Variants in ROBO2 observed in about 807,000 individuals in gnomAD.
The protein encoded by ROBO2 is roundabout guidance receptor 2, also known as roundabout homolog 2.
ROBO2 carries 53 observed loss-of-function variants against 160.8 expected under a neutral mutation model. The ratio of observed to expected loss-of-function variants is 0.33; its 90% CI spans 0.26 to 0.41. ROBO2 has a LOEUF of 0.41. Ranked by LOEUF, ROBO2 falls within the 10% of genes least tolerant of loss-of-function variation. The probability of loss-of-function intolerance (pLI) is 1.00; values close to 1 mark genes in which losing one functional copy is unlikely to be tolerated. For missense variants in ROBO2, 1,577 were observed against 1,722.4 expected, an observed-to-expected ratio of 0.92 and a Z score of 1.49; for synonymous variants, 664 against 611.7, an observed-to-expected ratio of 1.09 and a Z score of -1.26.
At chr3:76,714,301 C>T (rs916884597) in intron 2 of ROBO2, among the ~76,000 whole-genome samples, 1 of 151,948 alleles carries the variant, frequency 6.6e-6, no homozygotes, top group African/African-American at 2.4e-5. Flanking sequence ...GTCTTTGCTC[C>T]AAGAGTTAAT....
At chr3:75,925,133 A>T (rs1359997453) in intron 1 of ROBO2, among the ~76,000 whole-genome samples, 3 of 151,856 alleles carry the variant, frequency 2.0e-5, no homozygotes, top group Non-Finnish European at 2.9e-5. Flanking sequence ...TGGCTCATTC[A>T]TGTCATCCCA....
At chr3:76,166,803 G>T (rs1231538578) in intron 2 of ROBO2, among the ~76,000 whole-genome samples, 4 of 152,046 alleles carry the variant, frequency 2.6e-5, no homozygotes, top group South Asian at 2.1e-4. Context: ...CCTCAACCTC[G>T]ACTGCCTTAG....
chr3:76,128,164 G>T (rs907980425), intron 2 of ROBO2, among the ~76,000 whole-genome samples: 1 of 151,994 alleles, frequency 6.6e-6, no homozygotes, highest in East Asian at 1.9e-4. Flanking sequence ...AAACTGTTGG[G>T]ATTACAAGCA....
At chr3:76,719,869 G>A (rs1371311867) in intron 2 of ROBO2, among the ~76,000 whole-genome samples, 1 of 120,206 alleles carries the variant, frequency 8.3e-6, no homozygotes, top group Non-Finnish European at 1.7e-5. Flanking sequence ...GGGTGACAGA[G>A]TGAGACTGTG....
At chr3:76,067,067 C>T (rs562191445) in intron 2 of ROBO2, among the ~76,000 whole-genome samples, 1 of 152,128 alleles carries the variant, frequency 6.6e-6, no homozygotes, top group Non-Finnish European at 1.5e-5. Context: ...GGTTGTATGG[C>T]TGACCTAGGA....
At chr3:76,200,890 C>T (rs912621943) in intron 2 of ROBO2, among the ~76,000 whole-genome samples, 1 of 152,090 alleles carries the variant, frequency 6.6e-6, no homozygotes, top group African/African-American at 2.4e-5. Flanking sequence ...CCTTACAAAA[C>T]TAGCATGTGG....
rs139320577 is a variant in ROBO2 at position 77,111,980 on chromosome 3, G to T, written c.388+13640G>T. Among the ~76,000 whole-genome samples the T allele has an allele frequency of 8.7e-3, 1,330 of 152,082 alleles. 22 individuals are homozygous for T. Among genetic ancestry groups the T allele is most frequent in the African/African-American group, 0.031 (1,270 of 41,494 alleles). On this transcript the variant is annotated intron_variant, in intron 2 of 25. Transcript: ENST00000461745. ...TAGTCTCAGCACTTTGGGAGGCCGA[G>T]GTGGGCGGGTCGCTTGAGCCCAGGC...
At chr3:76,435,679 A>G (rs1577169151) in intron 2 of ROBO2, among the ~76,000 whole-genome samples, 1 of 152,158 alleles carries the variant, frequency 6.6e-6, no homozygotes, top group Non-Finnish European at 1.5e-5. Context: ...GTCCATTCTT[A>G]TGGAACTGCC....
chr3:76,386,015 T>C (rs886151647), intron 2 of ROBO2, among the ~76,000 whole-genome samples: 1 of 152,148 alleles, frequency 6.6e-6, no homozygotes, highest in South Asian at 2.1e-4. Context: ...TGAAACAAAT[T>C]TTGTTTTACC....
At chr3:77,206,158 T>C (rs1203968571) in intron 2 of ROBO2, among the ~76,000 whole-genome samples, 1 of 152,100 alleles carries the variant, frequency 6.6e-6, no homozygotes, top group Non-Finnish European at 1.5e-5. Flanking sequence ...TCTCTCTCTC[T>C]CTGTTTTTTT....
chr3:76,510,436 A>C (rs2107742135), intron 2 of ROBO2, among the ~76,000 whole-genome samples: 1 of 152,244 alleles, frequency 6.6e-6, no homozygotes, highest in South Asian at 2.1e-4. Context: ...AGTTAATGAA[A>C]AATATGGCTG....
At chr3:76,382,092 A>G (rs1017675004) in intron 2 of ROBO2, among the ~76,000 whole-genome samples, 1 of 151,990 alleles carries the variant, frequency 6.6e-6, no homozygotes, top group African/African-American at 2.4e-5. Context: ...CCACCTACCT[A>G]GTAGCTGGGA....
intron 2 of ROBO2, among the ~76,000 whole-genome samples, chr3:76,252,958 A>G (rs1706129018): frequency 6.6e-6 from 1 of 151,982 alleles, no homozygotes; most frequent in Non-Finnish European, 1.5e-5. Flanking sequence ...AAACTTTAGA[A>G]TTTGCTGTTA....
intron 2 of ROBO2, among the ~76,000 whole-genome samples, chr3:76,762,349 A>G (rs1474141619): frequency 6.6e-6 from 1 of 151,506 alleles, no homozygotes; most frequent in Non-Finnish European, 1.5e-5. Context: ...ATACAATAGA[A>G]TGTACCTTTG....
chr3:76,921,167 A>G (rs923872290), intron 2 of ROBO2, among the ~76,000 whole-genome samples: 1 of 152,214 alleles, frequency 6.6e-6, no homozygotes, highest in South Asian at 2.1e-4. Context: ...TGATGTCATC[A>G]CGTGAATGTA....
intron 2 of ROBO2, among the ~76,000 whole-genome samples, chr3:76,894,999 T>C (rs1209390422): frequency 2.0e-5 from 3 of 152,156 alleles, no homozygotes; most frequent in African/African-American, 7.2e-5. Context: ...ATTTTAACAT[T>C]GTGCATGTCA....
rs72900190 is a variant in ROBO2, at chr3:76,963,648, G to T, written c.110-134366G>T. Among the ~76,000 whole-genome samples the T allele has an allele frequency of 6.9e-3, 1,054 of 151,994 alleles. 11 individuals carry two copies. Among genetic ancestry groups the T allele is most frequent in the African/African-American group, 0.024 (988 of 41,500 alleles). ...AAAGCAGTGATTTTATAATAAAAGC[G>T]ATAAAATTGCCTGAGTAACTTTCTT... On this transcript the variant is annotated intron_variant, in intron 2 of 26. Coordinates refer to the ROBO2 transcript ENST00000487694.
At chr3:77,309,243 C>G (rs960353627) in intron 2 of ROBO2, among the ~76,000 whole-genome samples, 1 of 152,118 alleles carries the variant, frequency 6.6e-6, no homozygotes, top group African/African-American at 2.4e-5. Flanking sequence ...TATATATACT[C>G]ACAATACATA....
intron 2 of ROBO2, among the ~76,000 whole-genome samples, chr3:77,275,005 A>T (rs2059738772): frequency 6.6e-6 from 1 of 152,166 alleles, no homozygotes; most frequent in African/African-American, 2.4e-5. Flanking sequence ...TTTTCAAATA[A>T]ATATCTGAAT....
Sources: gnomAD v4.1 joint callset for allele counts (sites outside exome capture counted in the v4.1 genomes callset) on GRCh38, gnomAD v4.1.1 for gene constraint, MANE v1.5 for transcripts, NCBI Gene and HGNC (gene_info 2026-07-23, HGNC 2026-07-21) for gene names.